Variants in TERB1 observed in about 807,000 individuals in gnomAD.
The protein encoded by TERB1 is telomere repeats-binding bouquet formation protein 1.
In TERB1, 63 loss-of-function variants were observed where a neutral mutation model predicts 92.3. The ratio of observed to expected loss-of-function variants is 0.68; its 90% CI spans 0.56 to 0.84. The LOEUF is 0.84. Ranked by LOEUF, TERB1 falls within the 40% of genes least tolerant of loss-of-function variation. TERB1 has a pLI of 0.00. For synonymous variants in TERB1, 252 were observed against 283.9 expected (o/e 0.89, Z 1.13); for missense variants, 709 against 843.7 (o/e 0.84, Z 1.98).
At chr16:66,785,021 C>CTT (rs76944260) in intron 9 of TERB1, among the ~76,000 whole-genome samples, 61 of 118,240 alleles carry the variant, frequency 5.2e-4, no homozygotes, top group South Asian at 1.4e-3. Flanking sequence ...CTGCGTCTGG[C>CTT]TTTTTTTTTT....
At chr16:66,756,964 T>G (rs776575793) in intron 18 of TERB1, among the ~76,000 whole-genome samples, 85 of 152,154 alleles carry the variant, frequency 5.6e-4, no homozygotes, top group Non-Finnish European at 1.8e-4. Context: ...CATCCTGAAA[T>G]AGAGACTTGG....
At chr16:66,790,498 A>G in intron 5 of TERB1, 97 bp downstream of exon 5, 1 of 928,284 alleles carries the variant, frequency 1.1e-6, no homozygotes, top group Non-Finnish European at 1.5e-6. Context: ...ACATGTAAAA[A>G]AAAGGAAAGG....
At chr16:66,765,593 G>A (rs984642370) in intron 16 of TERB1, among the ~76,000 whole-genome samples, 9 of 151,816 alleles carry the variant, frequency 5.9e-5, no homozygotes, top group Non-Finnish European at 8.8e-5. Flanking sequence ...GAGTAGCTGG[G>A]ATTACTGGCT....
chr16:66,773,659 C>T (rs1245748256), intron 12 of TERB1, among the ~76,000 whole-genome samples: 1 of 152,200 alleles, frequency 6.6e-6, no homozygotes, highest in Non-Finnish European at 1.5e-5. Context: ...TTTTCTGCTC[C>T]ACGTCTAGAC....
At chr16:66,796,714 T>C in intron 3 of TERB1, 54 bp downstream of exon 3, 1 of 1,237,154 alleles carries the variant, frequency 8.1e-7, no homozygotes, top group Non-Finnish European at 1.2e-6. Context: ...TAATCTACAG[T>C]ACATCCTACC....
chr16:66,774,872 T>A lies in TERB1; in HGVS notation c.1111+246A>T, dbSNP rs557124789. Among the ~76,000 whole-genome samples the A allele has an allele frequency of 3.5e-3, 525 of 151,828 alleles. 3 individuals carry two copies. Among genetic ancestry groups the A allele is most frequent in the African/African-American group, 0.012 (504 of 41,412 alleles). On this transcript the variant is annotated intron_variant, in intron 12 of 18. Coordinates refer to ENST00000433154, the MANE Select transcript of TERB1 (RefSeq NM_001136505.2). ...CAGATAATTTTTTCTATATATATAT[T>A]TTTTTATAGAGACAGAGTTTCTCTA...
intron 16 of TERB1, among the ~76,000 whole-genome samples, chr16:66,761,124 AAAG>A (rs1449385473): frequency 1.1e-4 from 16 of 142,684 alleles, no homozygotes; most frequent in South Asian, 6.9e-4. Context: ...AAAAAAAAAA[AAAG>A]AAAAGAAAAG....
In TERB1 at chr16:66,768,145, A is replaced by G. The variant is rs2018382034; in HGVS notation, c.1643T>C (p.Val548Ala). The change falls in exon 15 of 19, where the codon GTT becomes GCT. Residue 548 changes from valine (V) to alanine (A), a missense_variant. Val to Ala is a moderately conservative substitution (Grantham distance 64). Transcript: ENST00000433154. ...CTGCTTTATATTTTTGGCAATGTGAACTGGGTGTTTAAAAACATGGTCACT... is the reference window on the plus strand; with the variant it reads ...CTGCTTTATATTTTTGGCAATGTGAGCTGGGTGTTTAAAAACATGGTCACT... ...QSSDHVFKHPVHIAKNIKQQL... is the reference protein window; with the variant it reads ...QSSDHVFKHPAHIAKNIKQQL... The G allele has an allele frequency of 1.9e-6, 3 of 1,550,644 alleles. No homozygotes were observed. Among genetic ancestry groups the G allele is most frequent in the Non-Finnish European group, 2.6e-6 (3 of 1,146,114 alleles).
At chr16:66,779,360 G>A (rs1413765767) in intron 9 of TERB1, among the ~76,000 whole-genome samples, 1 of 152,140 alleles carries the variant, frequency 6.6e-6, no homozygotes, top group Admixed American at 6.5e-5. Flanking sequence ...CACTTTGGGA[G>A]GCTGAGATAG....
At chr16:66,775,710 T>C (rs982243756) in intron 11 of TERB1, among the ~76,000 whole-genome samples, 7 of 36,900 alleles carry the variant, frequency 1.9e-4, no homozygotes, top group Non-Finnish European at 3.3e-4. Context: ...TTCAAAAGGA[T>C]TTTTTTTTTT....
At chr16:66,786,813 A>C (rs2018735997) in intron 6 of TERB1, among the ~76,000 whole-genome samples, 1 of 152,166 alleles carries the variant, frequency 6.6e-6, no homozygotes, top group Admixed American at 6.5e-5. Context: ...GAAGAAGGTG[A>C]GGCTTGACTT....
chr16:66,759,862 G>A (rs1417426773), intron 16 of TERB1, among the ~76,000 whole-genome samples: 3 of 149,438 alleles, frequency 2.0e-5, no homozygotes, highest in Admixed American at 6.7e-5. Flanking sequence ...TAGAGCGGGC[G>A]CAGTGGCTCA....
At chr16:66,755,253 A>C (rs2018118092) in intron 18 of TERB1, 90 bp from the exon 19 acceptor site, 1 of 763,876 alleles carries the variant, frequency 1.3e-6, no homozygotes, top group Admixed American at 2.7e-5. Flanking sequence ...CTTAACTTAT[A>C]CCTAAGGATA....
At chr16:66,767,618 C>A in intron 15 of TERB1, 108 bp from the exon 16 acceptor site, 1 of 580,052 alleles carries the variant, frequency 1.7e-6, no homozygotes, top group Admixed American at 3.7e-5. Flanking sequence ...TAGTACTATG[C>A]CTCCAGTCAT....
At chr16:66,758,690 G>T in intron 18 of TERB1, 83 bp downstream of exon 18, 1 of 793,310 alleles carries the variant, frequency 1.3e-6, no homozygotes, top group Non-Finnish European at 2.0e-6. Context: ...GCAGTGAGCC[G>T]AGATTGCTCC....
At chr16:66,798,702 A>G (rs1409553191) in intron 2 of TERB1, among the ~76,000 whole-genome samples, 1 of 152,242 alleles carries the variant, frequency 6.6e-6, no homozygotes, top group East Asian at 1.9e-4. Context: ...GGCTAGAAAG[A>G]CGACATATTA....
At chr16:66,793,377 C>T (rs1050912661) in intron 3 of TERB1, among the ~76,000 whole-genome samples, 11 of 151,580 alleles carry the variant, frequency 7.3e-5, no homozygotes, top group African/African-American at 2.7e-4. Context: ...CCGCCATGCC[C>T]GGCTAATTTT....
At chr16:66,777,406 T>C (rs2018566893) in intron 10 of TERB1, 72 bp from the exon 11 acceptor site, 1 of 950,302 alleles carries the variant, frequency 1.1e-6, no homozygotes, top group Admixed American at 2.9e-5. Context: ...CTATGTATTT[T>C]TCAGAGTTTA....
intron 9 of TERB1, among the ~76,000 whole-genome samples, chr16:66,784,164 T>A (rs373669541): frequency 7.2e-5 from 11 of 152,370 alleles, no homozygotes; most frequent in Middle Eastern, 3.4e-3. Flanking sequence ...GTGATCAGTC[T>A]GGCTAGAGGA....
Sources: gnomAD v4.1 joint callset for allele counts (sites outside exome capture counted in the v4.1 genomes callset) on GRCh38, gnomAD v4.1.1 for gene constraint, MANE v1.5 for transcripts, NCBI Gene and HGNC (gene_info 2026-07-23, HGNC 2026-07-21) for gene names.